ARHGEF7: variants seen among roughly 807,000 people sequenced by gnomAD.
The protein encoded by ARHGEF7 is Rho guanine nucleotide exchange factor 7.
In ARHGEF7, 33 loss-of-function variants were observed where a neutral mutation model predicts 109.8. The observed-to-expected ratio is 0.30, with a 90% CI of 0.23 to 0.40. ARHGEF7 has a LOEUF of 0.40. ARHGEF7 is among the 10% of genes least tolerant of loss of function. ARHGEF7 has a pLI of 1.00. For synonymous variants in ARHGEF7, 458 were observed against 424.6 expected (o/e 1.08, Z -0.97); for missense variants, 938 against 1,098.5 (o/e 0.85, Z 2.07).
At position 111,261,883 on chromosome 13, in the gene ARHGEF7, G is replaced by T. The variant is rs980789920; in HGVS notation, c.951-5665G>T. Among the ~76,000 whole-genome samples, 5 of 152,130 alleles carry T rather than the reference G, an allele frequency of 3.3e-5. No individual in the cohort carries two copies. In the South Asian group the frequency reaches 1.0e-3, roughly 31 times the overall value. ...CCTGAATGACCAGTGGGTCAATGAAGAAATTAAGAAAATTTAAAAATTTCT... is the reference window on the plus strand; with the variant it reads ...CCTGAATGACCAGTGGGTCAATGAATAAATTAAGAAAATTTAAAAATTTCT... On this transcript the variant is annotated intron_variant, in intron 8 of 21. Transcript: ENST00000646102.
chr13:111,268,563 T>C (rs2091873413), intron 9 of ARHGEF7, among the ~76,000 whole-genome samples: 1 of 152,206 alleles, frequency 6.6e-6, no homozygotes, highest in Admixed American at 6.5e-5. Context: ...TGAACAGGTG[T>C]TGGTTGCCTC....
intron 2 of ARHGEF7, among the ~76,000 whole-genome samples, chr13:111,191,643 C>T (rs1204728333): frequency 2.6e-5 from 4 of 151,954 alleles, no homozygotes. Context: ...AAGGATTGGA[C>T]TGGTTTAACA....
intron 1 of ARHGEF7, among the ~76,000 whole-genome samples, chr13:111,126,805 G>T (rs554723080): frequency 1.1e-4 from 16 of 152,252 alleles, no homozygotes; most frequent in African/African-American, 3.6e-4. Flanking sequence ...ATGAAATTCT[G>T]GGAGTGAGAC....
At position 111,273,656 on chromosome 13, in the gene ARHGEF7, G is replaced by A. The variant is rs2092315379; in HGVS notation, c.1074-158G>A. Among the ~76,000 whole-genome samples the A allele has an allele frequency of 6.6e-6, 1 of 152,234 alleles. No homozygotes were observed. The highest frequency in any genetic ancestry group is 1.5e-5 in the Non-Finnish European group (1 of 68,044). ...ATGGGAGTCCCCTTTGGCATTTCCAGATAAGCAGCGCAGATTTGGGATAAA... is the reference window on the plus strand; with the variant it reads ...ATGGGAGTCCCCTTTGGCATTTCCAAATAAGCAGCGCAGATTTGGGATAAA... On this transcript the variant is annotated intron_variant, in intron 9 of 21. Coordinates refer to ENST00000646102, the MANE Select transcript of ARHGEF7 (RefSeq NM_001354046.2). The surrounding 1 kb of genome is among the most constrained non-coding windows in gnomAD (Gnocchi z 4.5).
At position 111,273,423 on chromosome 13, in the gene ARHGEF7, A is replaced by G. The variant is rs1427165461; in HGVS notation, c.1074-391A>G. ...GTGTGCTCTAGCTCTTTACCGGAGC[A>G]GCTCGGTCCTTGTTCTACCACCTTG... On this transcript the variant is annotated intron_variant, in intron 9 of 21. Transcript: ENST00000646102. The surrounding 1 kb of genome is among the most constrained non-coding windows in gnomAD (Gnocchi z 4.5). 6.6e-6 allele frequency among the ~76,000 whole-genome samples: 1 copy of G among 152,224 alleles called. No individual in the cohort carries two copies. Among genetic ancestry groups the G allele is most frequent in the African/African-American group, 2.4e-5 (1 of 41,468 alleles).
At chr13:111,133,443 C>G (rs562386465) in intron 1 of ARHGEF7, among the ~76,000 whole-genome samples, 1 of 151,846 alleles carries the variant, frequency 6.6e-6, no homozygotes, top group East Asian at 1.9e-4. Flanking sequence ...AGCTTATGGG[C>G]GGAAAATATC....
intron 6 of ARHGEF7, 91 bp from the exon 7 acceptor site, chr13:111,243,781 A>G (rs2088262095): frequency 2.6e-6 from 2 of 773,362 alleles, no homozygotes; most frequent in Non-Finnish European, 4.2e-6. Flanking sequence ...GTGTGAATTG[A>G]ACAATGGCGA....
intron 1 of ARHGEF7, among the ~76,000 whole-genome samples, chr13:111,129,818 G>A (rs148258334): frequency 2.0e-5 from 3 of 152,302 alleles, no homozygotes; most frequent in Non-Finnish European, 2.9e-5. Context: ...CAGTTGATCC[G>A]TTTCTTAAAG....
At chr13:111,294,677 G>A (rs905606231) in intron 19 of ARHGEF7, 26 of 985,316 alleles carry the variant, frequency 2.6e-5, no homozygotes, top group African/African-American at 5.2e-5. Context: ...TGGCAGTGGC[G>A]ATGTGGCATC....
At chr13:111,175,260 C>T (rs1271317875) in intron 2 of ARHGEF7, among the ~76,000 whole-genome samples, 1 of 152,196 alleles carries the variant, frequency 6.6e-6, no homozygotes, top group African/African-American at 2.4e-5. Flanking sequence ...AGTCAAGGCC[C>T]ACACTTGTAT....
chr13:111,175,283 A>G (rs568316535), intron 2 of ARHGEF7, among the ~76,000 whole-genome samples: 1 of 152,326 alleles, frequency 6.6e-6, no homozygotes, highest in South Asian at 2.1e-4. Flanking sequence ...TTCAGAATGT[A>G]CAGAGGACAG....
At chr13:111,166,668 G>A (rs980608752) in intron 2 of ARHGEF7, among the ~76,000 whole-genome samples, 1 of 152,240 alleles carries the variant, frequency 6.6e-6, no homozygotes, top group African/African-American at 2.4e-5. Flanking sequence ...GGTTTGGCCT[G>A]AGCAGTTAGA....
At chr13:111,198,765 T>C (rs1421754469) in intron 2 of ARHGEF7, among the ~76,000 whole-genome samples, 1 of 152,072 alleles carries the variant, frequency 6.6e-6, no homozygotes, top group East Asian at 1.9e-4. Context: ...CCTGAGTGGG[T>C]TGCTGCTGCT....
chr13:111,232,990 G>T (rs995789754), intron 5 of ARHGEF7, among the ~76,000 whole-genome samples: 2 of 152,118 alleles, frequency 1.3e-5, no homozygotes, highest in Non-Finnish European at 2.9e-5. Context: ...AACAGGGTGG[G>T]GATGGGGTGC....
chr13:111,260,276 C>T (rs114782799), intron 8 of ARHGEF7, among the ~76,000 whole-genome samples: 1,753 of 152,218 alleles, frequency 0.012, 21 homozygotes, highest in Middle Eastern at 0.034. Context: ...TAATAAAACA[C>T]GAAGTAGATT....
chr13:111,211,196 G>T (rs554674223), intron 4 of ARHGEF7, among the ~76,000 whole-genome samples: 1 of 152,222 alleles, frequency 6.6e-6, no homozygotes, highest in African/African-American at 2.4e-5. Context: ...TTCCTGCTTT[G>T]CAGGAGCCTG....
chr13:111,222,895 T>G (rs1197116240), intron 5 of ARHGEF7, among the ~76,000 whole-genome samples: 1 of 152,232 alleles, frequency 6.6e-6, no homozygotes, highest in African/African-American at 2.4e-5. Context: ...GTACCTGCAG[T>G]CAACTGTGGT....
intron 1 of ARHGEF7, among the ~76,000 whole-genome samples, chr13:111,138,052 G>A (rs1034321296): frequency 6.6e-6 from 1 of 152,162 alleles, no homozygotes; most frequent in Non-Finnish European, 1.5e-5. Context: ...GGTGGCTCAC[G>A]CCTGTAATCC....
intron 1 of ARHGEF7, among the ~76,000 whole-genome samples, chr13:111,128,401 G>A (rs2067720850): frequency 6.6e-6 from 1 of 152,220 alleles, no homozygotes; most frequent in Admixed American, 6.5e-5. Flanking sequence ...GCTGAGGCAG[G>A]AGAATCGCCT....
Sources: allele counts gnomAD v4.1 joint callset (sites outside exome capture counted in the v4.1 genomes callset), GRCh38; gene constraint gnomAD v4.1.1; non-coding constraint Gnocchi (gnomAD v3.1); transcripts MANE v1.5; gene names NCBI Gene and HGNC (gene_info 2026-07-23, HGNC 2026-07-21).